Variants in MANBA observed in about 807,000 individuals in gnomAD.
MANBA encodes mannosidase beta, also known as beta-mannosidase.
Under a neutral mutation model 111.1 loss-of-function variants are expected in MANBA, and 83 were observed. The observed-to-expected ratio is 0.75, with a 90% CI of 0.63 to 0.90. MANBA has a LOEUF of 0.90. Ranked by LOEUF, MANBA falls within the 40% of genes least tolerant of loss-of-function variation. MANBA has a pLI of 0.00. For missense variants in MANBA, 1,036 were observed against 1,069.0 expected, an observed-to-expected ratio of 0.97 and a Z score of 0.43; for synonymous variants, 370 against 378.7, an observed-to-expected ratio of 0.98 and a Z score of 0.27.
At chr4:102,713,446 T>G (rs1037090613) in intron 5 of MANBA, among the ~76,000 whole-genome samples, 10 of 152,340 alleles carry the variant, frequency 6.6e-5, no homozygotes, top group African/African-American at 2.4e-4. Context: ...CTACTCTATT[T>G]CTTTTATCAA....
intron 12 of MANBA, among the ~76,000 whole-genome samples, chr4:102,656,060 C>A (rs558329399): frequency 6.6e-6 from 1 of 152,186 alleles, no homozygotes; most frequent in South Asian, 2.1e-4. Flanking sequence ...CCAGACCAGC[C>A]TGGATGATTT....
At chr4:102,661,459 T>C (rs1730952141) in intron 11 of MANBA, among the ~76,000 whole-genome samples, 1 of 152,158 alleles carries the variant, frequency 6.6e-6, no homozygotes, top group East Asian at 1.9e-4. Context: ...ACTCAGTAGA[T>C]GTTGGGTGAA....
chr4:102,730,316 T>G (rs1578945900), intron 1 of MANBA: 1 of 547,508 alleles, frequency 1.8e-6, no homozygotes, highest in Admixed American at 3.2e-5. Context: ...TAACTTAGAT[T>G]TATCCACATT....
chr4:102,642,104 C>G (rs1256358961), intron 13 of MANBA, among the ~76,000 whole-genome samples: 1 of 151,960 alleles, frequency 6.6e-6, no homozygotes, highest in African/African-American at 2.4e-5. Flanking sequence ...CTATTGCCCA[C>G]TAAACTTCTT....
At chr4:102,722,817 GC>G in intron 4 of MANBA, 53 bp downstream of exon 4, 1 of 1,552,644 alleles carries the variant, frequency 6.4e-7, no homozygotes, top group Non-Finnish European at 8.9e-7. Flanking sequence ...CATTTCATAT[GC>G]CAGCACACCC....
At chr4:102,741,668 C>G (rs191735004) in intron 1 of MANBA, among the ~76,000 whole-genome samples, 1 of 152,250 alleles carries the variant, frequency 6.6e-6, no homozygotes, top group African/African-American at 2.4e-5. Flanking sequence ...TGAAGTAACT[C>G]AGGAATGGAA....
At chr4:102,699,199 A>T (rs1009329824) in intron 5 of MANBA, among the ~76,000 whole-genome samples, 41 of 152,048 alleles carry the variant, frequency 2.7e-4, no homozygotes, top group African/African-American at 9.4e-4. Context: ...ATTTATATAC[A>T]TTGATTTTGT....
rs2272696 is a variant in MANBA, at chr4:102,634,664, G to A, written c.2415+124C>T. 684,741 of 1,303,322 alleles carry A rather than the reference G, an allele frequency of 0.53. 182,740 individuals are homozygous for A. Among genetic ancestry groups the A allele is most frequent in the Admixed American group, 0.7 (40,591 of 58,286 alleles). 80.7% of individuals were successfully genotyped at this position (1,303,322 alleles called of 1,614,324 possible). ...GTGGGAAGAGGCCAATCTTCCCCCA[G>A]GCCTCAGGTAAACTCAGCACCAAGG... On this transcript the variant is annotated intron_variant, in intron 16 of 16. Coordinates refer to ENST00000647097, the MANE Select transcript of MANBA (RefSeq NM_005908.4).
chr4:102,732,759 G>A (rs1723076019), intron 1 of MANBA, among the ~76,000 whole-genome samples: 1 of 152,140 alleles, frequency 6.6e-6, no homozygotes, highest in South Asian at 2.1e-4. Flanking sequence ...AACAAACATG[G>A]AACACATATT....
At position 102,640,773 on chromosome 4, in the gene MANBA, A is replaced by C. The variant is rs6854831; in HGVS notation, c.1870-916T>G. Among the ~76,000 whole-genome samples, 958 of 152,314 alleles carry C rather than the reference A, an allele frequency of 6.3e-3. 9 individuals carry two copies. Among genetic ancestry groups the C allele is most frequent in the African/African-American group, 0.021 (862 of 41,572 alleles). On this transcript the variant is annotated intron_variant, in intron 13 of 16. Transcript: ENST00000647097. Reference sequence around the variant, plus strand: ...GAGACGCTTTCCCATAAAAGCAAAAAAGCTCAGATAAAGGTAGAACCTTTA... The same window carrying C: ...GAGACGCTTTCCCATAAAAGCAAAACAGCTCAGATAAAGGTAGAACCTTTA...
chr4:102,682,395 G>T (rs1002019020), intron 7 of MANBA, among the ~76,000 whole-genome samples: 1 of 151,934 alleles, frequency 6.6e-6, no homozygotes. Context: ...TGAAAAACAG[G>T]CCAATCTATA....
intron 1 of MANBA, among the ~76,000 whole-genome samples, chr4:102,753,261 T>A (rs1226946234): frequency 1.3e-5 from 2 of 151,928 alleles, no homozygotes; most frequent in African/African-American, 2.4e-5. Flanking sequence ...TAGAAAAAAA[T>A]GTGGAAAGAT....
At chr4:102,753,808 C>G (rs956989102) in intron 1 of MANBA, 7 of 230,368 alleles carry the variant, frequency 3.0e-5, no homozygotes, top group Non-Finnish European at 5.4e-5. Context: ...AGAGGCCACC[C>G]ATGGTGGCTC....
chr4:102,686,124 A>G (rs1732200368), intron 7 of MANBA, among the ~76,000 whole-genome samples: 2 of 152,262 alleles, frequency 1.3e-5, no homozygotes, highest in Non-Finnish European at 2.9e-5. Context: ...ACTCACTGCT[A>G]CTAGAGAGCC....
chr4:102,661,642 G>A (rs1039686026), intron 11 of MANBA, among the ~76,000 whole-genome samples: 2 of 152,278 alleles, frequency 1.3e-5, no homozygotes, highest in South Asian at 2.1e-4. Flanking sequence ...AATTTGGCAC[G>A]CTGAGCCATG....
intron 7 of MANBA, chr4:102,682,676 G>C (rs62327215): frequency 0.038 from 5,767 of 152,238 alleles, 149 homozygotes; most frequent in Non-Finnish European, 0.056. Flanking sequence ...CCAATGGCTG[G>C]TGTAGTTATA....
At chr4:102,678,510 T>C (rs1578895021) in intron 7 of MANBA, among the ~76,000 whole-genome samples, 1 of 150,962 alleles carries the variant, frequency 6.6e-6, no homozygotes, top group African/African-American at 2.5e-5. Flanking sequence ...CATATGAGAC[T>C]AAAATTTTTT....
intron 11 of MANBA, among the ~76,000 whole-genome samples, chr4:102,661,294 GC>G (rs756458320): frequency 6.6e-6 from 1 of 152,100 alleles, no homozygotes; most frequent in African/African-American, 2.4e-5. Flanking sequence ...ATAGTTCCCA[GC>G]ATTTTGAAGC....
At chr4:102,727,443 A>T in intron 1 of MANBA, 1 of 1,347,740 alleles carries the variant, frequency 7.4e-7, no homozygotes, top group Non-Finnish European at 1.1e-6. Flanking sequence ...CCAATTGCAC[A>T]TGGGTCTCAG....
Sources: allele counts gnomAD v4.1 joint callset (sites outside exome capture counted in the v4.1 genomes callset), GRCh38; gene constraint gnomAD v4.1.1; transcripts MANE v1.5; gene names NCBI Gene and HGNC (gene_info 2026-07-23, HGNC 2026-07-21).